Variants in PFKM observed in about 807,000 individuals in gnomAD.
PFKM encodes ATP-dependent 6-phosphofructokinase, muscle type.
In PFKM, 58 loss-of-function variants were observed where a neutral mutation model predicts 95.5. That is an observed-to-expected ratio of 0.61 (90% CI 0.49 to 0.76). The LOEUF is 0.76. Among genes scored for constraint, PFKM ranks in the 30% least tolerant of loss-of-function variants. PFKM has a pLI of 0.00. For synonymous variants in PFKM, 336 were observed against 357.2 expected (o/e 0.94, Z 0.67); for missense variants, 678 against 1,005.4 (o/e 0.67, Z 4.40).
chr12:48,105,925 T>C, exon 1 of PFKM: 1 of 671,018 alleles, frequency 1.5e-6, no homozygotes, highest in East Asian at 2.7e-5. Context: ...TGCTCCCCGC[T>C]TCCGCCCAGT....
At chr12:48,119,288 C>T, upstream of PFKM, 1 of 984,518 alleles carries the variant, frequency 1.0e-6, no homozygotes, top group Non-Finnish European at 1.2e-6. Context: ...AGCCTCTCCT[C>T]CTTCCCCCTC....
chr12:48,125,937 T>G (rs968741073), intron 2 of PFKM, among the ~76,000 whole-genome samples: 1 of 152,198 alleles, frequency 6.6e-6, no homozygotes, highest in Non-Finnish European at 1.5e-5. Flanking sequence ...AATAAATTAT[T>G]TAGTATCAGC....
upstream of PFKM, chr12:48,119,156 G>A (rs1351498804): frequency 1.0e-5 from 3 of 297,292 alleles, no homozygotes; most frequent in East Asian, 1.7e-4. Context: ...ACTCTGGGGA[G>A]TGAAGGAACT....
chr12:48,125,077 A>G (rs1306551583), intron 2 of PFKM, among the ~76,000 whole-genome samples: 3 of 152,212 alleles, frequency 2.0e-5, no homozygotes, highest in African/African-American at 7.2e-5. Context: ...AAAAATGGCC[A>G]GGAATCAGAC....
In PFKM at chr12:48,133,437, C is replaced by T. The variant is rs140165624; in HGVS notation, c.550C>T (p.Arg184Trp). ...MTIGTDSALHRIMEIVDAITT... is the reference protein window; with the variant it reads ...MTIGTDSALHWIMEIVDAITT... ...CATTGGCACTGACTCTGCCCTGCAT[C>T]GGATCATGGAAATTGTAGATGCCAT... The change falls in exon 6 of 23, where the codon CGG becomes TGG. Residue 184 changes from arginine (R) to tryptophan (W), a missense_variant. By Grantham distance (101) the Arg-to-Trp change is moderately radical. Coordinates refer to ENST00000359794, the MANE Select transcript of PFKM (RefSeq NM_000289.6). 6.8e-6 allele frequency: 11 copies of T among 1,613,936 alleles called. No homozygotes were observed. Among genetic ancestry groups the T allele is most frequent in the African/African-American group, 6.7e-5 (5 of 74,874 alleles).
chr12:48,135,928 T>TCTGTCG (rs1555204170), intron 10 of PFKM, among the ~76,000 whole-genome samples: 6,066 of 151,430 alleles, frequency 0.04, 341 homozygotes, highest in African/African-American at 0.12. Context: ...TTGCACTCGC[T>TCTGTCG]CCCAGGCTGG....
chr12:48,105,794 A>C, upstream of PFKM: 1 of 585,334 alleles, frequency 1.7e-6, no homozygotes, highest in Admixed American at 3.0e-5. Flanking sequence ...GAGAGAGACC[A>C]GAAGGAACGG....
exon 1 of PFKM, chr12:48,105,969 TCTCCTGGACCAGG>T: frequency 1.4e-6 from 1 of 698,374 alleles, no homozygotes; most frequent in Non-Finnish European, 2.6e-6. Context: ...TCCGACACAG[TCTCCTGGACCAGG>T]CTCCCTCCAT....
At position 48,132,870 on chromosome 12, in the gene PFKM, AG is replaced by A; in HGVS notation, c.242del (p.Gly81AlafsTer3). Reference sequence around the variant, plus strand: ...GCTGACTTCTACCTCTTCCAAAGGGAGGCACGGTGATTGGAAGTGCCCGGTG... The same window carrying A: ...GCTGACTTCTACCTCTTCCAAAGGGAGCACGGTGATTGGAAGTGCCCGGTG... ...ESVSMMLQLGGTVIGSARCKD... is the reference protein window; with the variant it reads ...ESVSMMLQLGXTVIGSARCKD... On this transcript the variant is annotated frameshift_variant, in exon 5 of 23. Transcript: ENST00000359794. LOFTEE classifies it high-confidence loss of function. 2.5e-6 allele frequency: 4 copies of A among 1,610,800 alleles called. No homozygotes were observed. The highest frequency in any genetic ancestry group is 3.4e-6 in the Non-Finnish European group (4 of 1,178,274).
chr12:48,122,782 A>C lies in PFKM; in HGVS notation c.8A>C (p.His3Pro). 6.2e-7 allele frequency: 1 copy of C among 1,614,114 alleles called. No individual in the cohort carries two copies. Among genetic ancestry groups the C allele is most frequent in the South Asian group, 1.1e-5 (1 of 91,088 alleles). The part of the protein sequence containing the change: MT[H>P]EEHHAAKTLG... ...TAAATTCTAGAGTGGATCATGACCC[A>C]TGAAGAGCACCATGCAGCCAAAACC... Residue 3 changes from histidine (H) to proline (P), a missense_variant, in exon 2 of 23, where the codon CAT becomes CCT. Physicochemically the swap from His to Pro is moderately conservative, Grantham distance 77 (BLOSUM62 -2). Coordinates refer to ENST00000359794, the MANE Select transcript of PFKM (RefSeq NM_000289.6).
chr12:48,122,771 G>A lies in PFKM; in HGVS notation c.-4G>A, dbSNP rs1410935225. ...GACCATTGTCTTAAATTCTAGAGTG[G>A]ATCATGACCCATGAAGAGCACCATG... On this transcript the variant is annotated 5_prime_UTR_variant, in exon 2 of 23. Transcript: ENST00000359794. 1 of 1,613,960 alleles carries A rather than the reference G, an allele frequency of 6.2e-7. No homozygotes were observed. The highest frequency in any genetic ancestry group is 1.3e-5 in the African/African-American group (1 of 75,018).
At chr12:48,129,243 T>G (rs74089111) in intron 2 of PFKM, among the ~76,000 whole-genome samples, 57 of 96,236 alleles carry the variant, frequency 5.9e-4, no homozygotes, top group Non-Finnish European at 4.4e-4. Context: ...TTTTTTTTTT[T>G]ACAGATGGAG....
rs767156688 is a variant in PFKM at position 48,145,179 on chromosome 12, A to G, written c.2093-31A>G. On this transcript the variant is annotated intron_variant, in intron 21 of 22. Coordinates refer to ENST00000359794, the MANE Select transcript of PFKM (RefSeq NM_000289.6). This position sits in a 1 kb window ranked among gnomAD's most constrained non-coding sequence, Gnocchi z 4.3. ...CCTCTATAGAGGCTGGTTCCCCAGT[A>G]TAGAAGCTGACTGCCCATCCCTCAT... 4 of 1,612,208 alleles carry G rather than the reference A, an allele frequency of 2.5e-6. No homozygotes were observed. The highest frequency in any genetic ancestry group is 3.4e-6 in the Non-Finnish European group (4 of 1,178,222).
At chr12:48,113,875 CCTTCTGGCCTCTCTGGGTCTA>C (rs1158221388) in intron 3 of PFKM, among the ~76,000 whole-genome samples, 1 of 152,102 alleles carries the variant, frequency 6.6e-6, no homozygotes, top group Non-Finnish European at 1.5e-5. Flanking sequence ...AATAAGGTGG[CCTTCTGGCCTCTCTGGGTCTA>C]GGGTGGTAAA....
At chr12:48,142,174 T>A (rs1950631266) in intron 17 of PFKM, 108 bp downstream of exon 17, 8 of 1,156,842 alleles carry the variant, frequency 6.9e-6, no homozygotes, top group Non-Finnish European at 1.0e-5. Flanking sequence ...AATGGGAATG[T>A]TTGAAAATGA....
chr12:48,137,771 A>T lies in PFKM; in HGVS notation c.987A>T (p.Pro329=), dbSNP rs932393961. ...TGATGGCACTTTTGGAGGGGACCCCAGATACCCCAGCCTGTGTAGTGAGCC... is the reference window on the plus strand; with the variant it reads ...TGATGGCACTTTTGGAGGGGACCCCTGATACCCCAGCCTGTGTAGTGAGCC... ...EAVMALLEGT[P]DTPACVVSLS... is the part of the protein sequence containing the mutation. Residue 329 remains proline (P), a synonymous_variant, in exon 11 of 23, where the codon CCA becomes CCT. Coordinates refer to ENST00000359794, the MANE Select transcript of PFKM (RefSeq NM_000289.6). 1.2e-5 allele frequency: 20 copies of T among 1,614,024 alleles called. No homozygotes were observed. The highest frequency in any genetic ancestry group is 1.7e-5 in the Non-Finnish European group (20 of 1,179,982).
rs549059437 is a variant in PFKM, at chr12:48,122,762, T to G, written c.-8-5T>G. On this transcript the variant is annotated splice_polypyrimidine_tract_variant and splice_region_variant and intron_variant, in intron 1 of 22. Transcript: ENST00000359794. ...GTCTTAACTGACCATTGTCTTAAAT[T>G]CTAGAGTGGATCATGACCCATGAAG... is the stretch of plus-strand genomic sequence containing the variant. 6.2e-7 allele frequency: 1 copy of G among 1,613,826 alleles called. No individual in the cohort carries two copies. Among genetic ancestry groups the G allele is most frequent in the Admixed American group, 1.7e-5 (1 of 60,018 alleles).
chr12:48,137,474 C>T (rs1023204873), intron 10 of PFKM: 3 of 562,528 alleles, frequency 5.3e-6, no homozygotes, highest in Non-Finnish European at 9.5e-6. Flanking sequence ...CTGTTGATTA[C>T]CATAGTGGGC....
At chr12:48,139,621 GTC>G in intron 12 of PFKM, 1 of 624,222 alleles carries the variant, frequency 1.6e-6, no homozygotes, top group Non-Finnish European at 2.9e-6. Context: ...GCAAGGGACA[GTC>G]TCTTGTGCTG....
Sources: allele counts gnomAD v4.1 joint callset (sites outside exome capture counted in the v4.1 genomes callset), GRCh38; gene constraint gnomAD v4.1.1; non-coding constraint Gnocchi (gnomAD v3.1); transcripts MANE v1.5; gene names NCBI Gene and HGNC (gene_info 2026-07-23, HGNC 2026-07-21).